Variants in B4GALNT3 observed in about 807,000 individuals in gnomAD.
B4GALNT3 encodes the protein beta-1,4-N-acetyl-galactosaminyltransferase 3.
B4GALNT3 carries 86 observed loss-of-function variants against 120.2 expected under a neutral mutation model. The ratio of observed to expected loss-of-function variants is 0.72; its 90% confidence interval spans 0.60 to 0.86. The LOEUF is 0.86. B4GALNT3 is among the 40% of genes least tolerant of loss of function. The pLI, the probability that B4GALNT3 is intolerant of heterozygous loss-of-function variation, is 0.00. For missense variants in B4GALNT3, 1,167 were observed against 1,298.9 expected, an observed-to-expected ratio of 0.90 and a Z score of 1.56; for synonymous variants, 518 against 510.4, an observed-to-expected ratio of 1.01 and a Z score of -0.20.
At chr12:502,946 A>G (rs1474824180) in intron 1 of B4GALNT3, among the ~76,000 whole-genome samples, 1 of 151,616 alleles carries the variant, frequency 6.6e-6, no homozygotes, top group African/African-American at 2.4e-5. Flanking sequence ...TTTTGTAGAG[A>G]TAGGTTCTTG....
At chr12:483,938 G>A (rs1390425081) in intron 1 of B4GALNT3, among the ~76,000 whole-genome samples, 7 of 152,160 alleles carry the variant, frequency 4.6e-5, no homozygotes, top group Non-Finnish European at 1.0e-4. Flanking sequence ...TGGCCTTGGG[G>A]TGGGATAGGG....
At chr12:479,886 TAA>T (rs55816108) in intron 1 of B4GALNT3, among the ~76,000 whole-genome samples, 1 of 140,570 alleles carries the variant, frequency 7.1e-6, no homozygotes, top group Non-Finnish European at 1.5e-5. Flanking sequence ...ACTGACCAAT[TAA>T]AAAAAAACCA....
rs1036421419 is a variant in B4GALNT3 at position 550,178 on chromosome 12, C to G, written c.997+266C>G. 6.6e-5 allele frequency among the ~76,000 whole-genome samples: 10 copies of G among 152,198 alleles called. No individual in the cohort carries two copies. The East Asian group carries it at 1.3e-3, about 20-fold the overall frequency. On this transcript the variant is annotated intron_variant, in intron 10 of 19. Coordinates refer to ENST00000266383, the MANE Select transcript of B4GALNT3 (RefSeq NM_173593.4). The surrounding 1 kb of genome is among the most constrained non-coding windows in gnomAD (Gnocchi z 4.1). ...CCCACAACAAGAAATAGAGTTAGAA[C>G]CCGGAAGTCCCCCACACATCCCTTC...
intron 18 of B4GALNT3, among the ~76,000 whole-genome samples, chr12:558,982 G>A (rs958244154): frequency 6.6e-6 from 1 of 151,860 alleles, no homozygotes; most frequent in Non-Finnish European, 1.5e-5. Flanking sequence ...TAGCCTCCCT[G>A]CCTGTGGAAA....
At chr12:467,356 C>T (rs559065324) in intron 1 of B4GALNT3, among the ~76,000 whole-genome samples, 4 of 152,184 alleles carry the variant, frequency 2.6e-5, no homozygotes, top group East Asian at 3.9e-4. Context: ...GTCAGGAGTT[C>T]GAGACCAGCC....
chr12:543,195 A>G, intron 3 of B4GALNT3: 4 of 1,289,454 alleles, frequency 3.1e-6, no homozygotes, highest in Non-Finnish European at 4.0e-6. Flanking sequence ...TGGGGTGAAC[A>G]TCAGCACCAG....
At position 548,727 on chromosome 12, in the gene B4GALNT3, T is replaced by C. The variant is rs1405935735; in HGVS notation, c.853+430T>C. Among the ~76,000 whole-genome samples the C allele has an allele frequency of 1.3e-5, 2 of 151,866 alleles. No individual in the cohort carries two copies. Among genetic ancestry groups the C allele is most frequent in the South Asian group, 2.1e-4 (1 of 4,816 alleles). On this transcript the variant is annotated intron_variant, in intron 9 of 19. Transcript: ENST00000266383. The surrounding 1 kb of genome is among the most constrained non-coding windows in gnomAD (Gnocchi z 4.9). ...GAGTTCGAGACCAGCCCAGGCCACA[T>C]AGCGACACCTCATCTCTACAAAAAA... is the stretch of plus-strand genomic sequence containing the variant.
chr12:548,437 C>T lies in B4GALNT3; in HGVS notation c.853+140C>T. On this transcript the variant is annotated intron_variant, in intron 9 of 19. Transcript: ENST00000266383. This position sits in a 1 kb window ranked among gnomAD's most constrained non-coding sequence, Gnocchi z 4.9. ...GACACGGGTATGAAGGGGTCCAGAA[C>T]AAGAGTGGGACCTTATGACCAGGAG... The T allele has an allele frequency of 1.3e-6, 1 of 743,136 alleles. No homozygotes were observed. The highest frequency in any genetic ancestry group is 1.7e-5 in the South Asian group (1 of 60,460). The allele number at this position is 743,136 out of a possible 1,614,324, so 46.0% of individuals were successfully genotyped here.
chr12:490,592 T>TC (rs1946331452), intron 1 of B4GALNT3, among the ~76,000 whole-genome samples: 1 of 152,088 alleles, frequency 6.6e-6, no homozygotes, highest in East Asian at 1.9e-4. Flanking sequence ...TATCTGGGCA[T>TC]AGTGGCTTGT....
At chr12:555,217 A>C in intron 14 of B4GALNT3, 1 of 344,692 alleles carries the variant, frequency 2.9e-6, no homozygotes, top group Non-Finnish European at 5.8e-6. Flanking sequence ...AAGAAACCGT[A>C]TGTGTTAGTG....
At chr12:549,312 TTCTC>T (rs1373263087) in intron 9 of B4GALNT3, among the ~76,000 whole-genome samples, 1 of 152,196 alleles carries the variant, frequency 6.6e-6, no homozygotes, top group Non-Finnish European at 1.5e-5. Flanking sequence ...ATGACTTAGA[TTCTC>T]TATGCCAAAG....
chr12:509,448 A>G (rs1350108503), intron 1 of B4GALNT3, among the ~76,000 whole-genome samples: 1 of 152,174 alleles, frequency 6.6e-6, no homozygotes, highest in African/African-American at 2.4e-5. Context: ...TAGGGGATTT[A>G]AATGATACTG....
At chr12:486,312 T>C (rs1946290790) in intron 1 of B4GALNT3, among the ~76,000 whole-genome samples, 1 of 149,118 alleles carries the variant, frequency 6.7e-6, no homozygotes, top group African/African-American at 2.5e-5. Flanking sequence ...CAAGTTTAAG[T>C]GATTCTCCCA....
At chr12:523,495 G>A (rs1162752429) in intron 1 of B4GALNT3, among the ~76,000 whole-genome samples, 1 of 152,058 alleles carries the variant, frequency 6.6e-6, no homozygotes, top group Non-Finnish European at 1.5e-5. Flanking sequence ...CCTAGATTAG[G>A]CTCAGCCAGC....
At chr12:527,237 C>A (rs2120640180) in intron 1 of B4GALNT3, among the ~76,000 whole-genome samples, 1 of 152,296 alleles carries the variant, frequency 6.6e-6, no homozygotes. Flanking sequence ...TGGTTTTATG[C>A]TTTAATGTGG....
At chr12:538,560 CAAAAAAA>C (rs771053015) in intron 3 of B4GALNT3, among the ~76,000 whole-genome samples, 1 of 64,042 alleles carries the variant, frequency 1.6e-5, no homozygotes, top group African/African-American at 5.3e-5. Flanking sequence ...AACCCCATCT[CAAAAAAA>C]AAAAAAAAAA....
chr12:466,704 A>T (rs1946084284), intron 1 of B4GALNT3, among the ~76,000 whole-genome samples: 1 of 152,196 alleles, frequency 6.6e-6, no homozygotes. Flanking sequence ...TTGAATTTAG[A>T]AGTATCCATT....
At chr12:511,232 C>A (rs1339140464) in intron 1 of B4GALNT3, among the ~76,000 whole-genome samples, 2 of 151,514 alleles carry the variant, frequency 1.3e-5, no homozygotes, top group Non-Finnish European at 2.9e-5. Context: ...CTTCCACCAT[C>A]CACCTTCCAC....
At chr12:475,643 C>G (rs1946177608) in intron 1 of B4GALNT3, among the ~76,000 whole-genome samples, 2 of 152,150 alleles carry the variant, frequency 1.3e-5, no homozygotes, top group African/African-American at 4.8e-5. Context: ...ATCCTTCTCT[C>G]TCATCTCTTC....
Sources: allele counts gnomAD v4.1 joint callset (sites outside exome capture counted in the v4.1 genomes callset), GRCh38; gene constraint gnomAD v4.1.1; non-coding constraint Gnocchi (gnomAD v3.1); transcripts MANE v1.5; gene names NCBI Gene and HGNC (gene_info 2026-07-23, HGNC 2026-07-21).